MOCOS: variants seen among roughly 807,000 people sequenced by gnomAD.
The protein encoded by MOCOS is molybdenum cofactor sulfurase, also known as human molybdenum cofactor sulfurase.
Under a neutral mutation model 83.6 loss-of-function variants are expected in MOCOS, and 86 were observed. The observed-to-expected ratio is 1.03, with a 90% CI of 0.86 to 1.23. The LOEUF (loss-of-function observed/expected upper bound fraction) is 1.23. Ranked by LOEUF, MOCOS falls within the 50% of genes most tolerant of loss-of-function variation. The pLI, the probability that MOCOS is intolerant of heterozygous loss-of-function variation, is 0.00. For synonymous variants in MOCOS, 445 were observed against 434.7 expected (o/e 1.02, Z -0.29); for missense variants, 1,120 against 1,126.9 (o/e 0.99, Z 0.09).
chr18:36,224,767 G>A (rs2091509157), intron 9 of MOCOS, among the ~76,000 whole-genome samples: 1 of 152,124 alleles, frequency 6.6e-6, no homozygotes. Flanking sequence ...GATAATGCTG[G>A]CCTCATAAAA....
At chr18:36,207,555 C>T (rs1219266523) in intron 6 of MOCOS, among the ~76,000 whole-genome samples, 4 of 150,952 alleles carry the variant, frequency 2.6e-5, no homozygotes, top group Admixed American at 1.3e-4. Context: ...TTAATGATGT[C>T]GAACATTTTT....
intron 13 of MOCOS, 104 bp downstream of exon 13, chr18:36,260,279 T>G: frequency 6.8e-7 from 1 of 1,463,276 alleles, no homozygotes; most frequent in Non-Finnish European, 9.6e-7. Flanking sequence ...TCCCAGTCCT[T>G]GTCTCTTAAC....
At chr18:36,204,133 G>T (rs1000096665) in intron 5 of MOCOS, among the ~76,000 whole-genome samples, 1 of 152,170 alleles carries the variant, frequency 6.6e-6, no homozygotes, top group Non-Finnish European at 1.5e-5. Flanking sequence ...CTCAGTCGTA[G>T]TAAATACATT....
At chr18:36,207,648 GTT>G (rs2091439749) in intron 6 of MOCOS, among the ~76,000 whole-genome samples, 2 of 151,902 alleles carry the variant, frequency 1.3e-5, no homozygotes, top group Admixed American at 1.3e-4. Context: ...GGGGTTCTTT[GTT>G]TTTTGCTTAT....
At chr18:36,197,233 G>A (rs753772546) in intron 2 of MOCOS, among the ~76,000 whole-genome samples, 7 of 152,150 alleles carry the variant, frequency 4.6e-5, no homozygotes, top group Non-Finnish European at 8.8e-5. Context: ...AGGGCAATAC[G>A]TGGGGACTTA....
rs1385733042 is a variant in MOCOS at position 36,187,645 on chromosome 18, C to T, written c.106C>T (p.Arg36Cys). ...CTACGGCTACGGCCCGGGCAGCCTG[C>T]GCGAGCTGCGGGCGCGCGAGTTCAG... ...LAYGYGPGSL[R>C]ELRAREFSRL... is the part of the protein sequence containing the mutation. Residue 36 changes from arginine (R) to cysteine (C), a missense_variant, in exon 1 of 15, where the codon CGC becomes TGC. Transcript: ENST00000261326. 7 of 1,251,330 alleles carry T rather than the reference C, an allele frequency of 5.6e-6. No homozygotes were observed. Among genetic ancestry groups the T allele is most frequent in the South Asian group, 3.6e-5 (1 of 27,722 alleles). 77.5% of individuals were successfully genotyped at this position (1,251,330 alleles called of 1,614,324 possible).
At chr18:36,229,324 A>G (rs1471255139) in intron 9 of MOCOS, among the ~76,000 whole-genome samples, 1 of 152,056 alleles carries the variant, frequency 6.6e-6, no homozygotes, top group Non-Finnish European at 1.5e-5. Flanking sequence ...TAGTTTGAAT[A>G]TATCATTCTA....
intron 11 of MOCOS, among the ~76,000 whole-genome samples, chr18:36,253,854 T>C (rs2091630936): frequency 6.6e-6 from 1 of 151,942 alleles, no homozygotes; most frequent in African/African-American, 2.4e-5. Flanking sequence ...CAGTAGTCCT[T>C]TACCTGTGGC....
intron 9 of MOCOS, among the ~76,000 whole-genome samples, chr18:36,235,902 T>G (rs1598585090): frequency 6.6e-6 from 1 of 152,032 alleles, no homozygotes; most frequent in African/African-American, 2.4e-5. Flanking sequence ...CATTTTTTCA[T>G]GTGTTTTTTG....
intron 2 of MOCOS, among the ~76,000 whole-genome samples, chr18:36,197,542 A>T (rs1471706093): frequency 1.3e-5 from 2 of 151,904 alleles, no homozygotes; most frequent in Non-Finnish European, 2.9e-5. Context: ...AGGTAGGAGG[A>T]TTGCTTGAGC....
chr18:36,208,680 A>C (rs1568052598), intron 6 of MOCOS, among the ~76,000 whole-genome samples: 3 of 152,230 alleles, frequency 2.0e-5, no homozygotes, highest in African/African-American at 4.8e-5. Flanking sequence ...TATTAGTTCT[A>C]GGAGCCTTTG....
intron 9 of MOCOS, among the ~76,000 whole-genome samples, chr18:36,238,656 G>A: frequency 7.3e-6 from 1 of 136,556 alleles, no homozygotes; most frequent in South Asian, 2.5e-4. Context: ...AGGTCCGCTT[G>A]GTGCAGAGCT....
rs192741285 is a variant in MOCOS at position 36,242,064 on chromosome 18, A to G, written c.1961-6858A>G. On this transcript the variant is annotated intron_variant, in intron 9 of 14. Coordinates refer to ENST00000261326, the MANE Select transcript of MOCOS (RefSeq NM_017947.4). ...ACATGCCCTGGAGACAGTTTTCCCCATTGCTTTGGCAATTAACATTTGGCT... is the reference window on the plus strand; with the variant it reads ...ACATGCCCTGGAGACAGTTTTCCCCGTTGCTTTGGCAATTAACATTTGGCT... Among the ~76,000 whole-genome samples, 219 of 152,322 alleles carry G rather than the reference A, an allele frequency of 1.4e-3. 1 individual carries two copies. Among genetic ancestry groups the G allele is most frequent in the African/African-American group, 4.7e-3 (196 of 41,574 alleles).
At chr18:36,267,986 G>A (rs1049905435) in intron 14 of MOCOS, among the ~76,000 whole-genome samples, 4 of 152,310 alleles carry the variant, frequency 2.6e-5, no homozygotes, top group Admixed American at 1.3e-4. Context: ...AGAACTAACA[G>A]ATCGGAGAGC....
rs1389178363 is a variant in MOCOS, at chr18:36,215,874, C to T, written c.1694C>T (p.Pro565Leu). The change falls in exon 8 of 15, where the codon CCG becomes CTG. Residue 565 changes from proline to leucine, a missense_variant. Coordinates refer to ENST00000261326, the MANE Select transcript of MOCOS (RefSeq NM_017947.4). ...GTGTGTGATGTCGCCAGAACCCAGC[C>T]GACTCCTTCAGAGAAAGCTGCAGGA... is the stretch of plus-strand genomic sequence containing the variant. ...PPVCDVARTQ[P>L]TPSEKAAGVL... is the part of the protein sequence containing the mutation. The T allele has an allele frequency of 5.0e-6, 8 of 1,614,200 alleles. No homozygotes were observed. Among genetic ancestry groups the T allele is most frequent in the Admixed American group, 3.3e-5 (2 of 60,020 alleles).
chr18:36,192,376 A>G (rs150221684), intron 1 of MOCOS, among the ~76,000 whole-genome samples: 16 of 152,390 alleles, frequency 1.0e-4, no homozygotes, highest in Admixed American at 6.5e-4. Flanking sequence ...ATAATAAAAT[A>G]CACAGAAAAA....
intron 13 of MOCOS, among the ~76,000 whole-genome samples, chr18:36,263,371 A>G (rs546950459): frequency 2.0e-5 from 3 of 152,384 alleles, no homozygotes; most frequent in African/African-American, 7.2e-5. Context: ...AACTATTCAC[A>G]TGGCTTCAAA....
intron 8 of MOCOS, among the ~76,000 whole-genome samples, chr18:36,216,219 T>C (rs967362018): frequency 6.6e-6 from 1 of 152,218 alleles, no homozygotes; most frequent in Non-Finnish European, 1.5e-5. Flanking sequence ...TAATTATAGC[T>C]GTAACTTTCA....
chr18:36,239,061 A>T (rs1287424561), intron 9 of MOCOS, among the ~76,000 whole-genome samples: 1 of 150,556 alleles, frequency 6.6e-6, no homozygotes, highest in African/African-American at 2.4e-5. Context: ...TGAATACAGC[A>T]CACTGATGGG....
Sources: allele counts gnomAD v4.1 joint callset (sites outside exome capture counted in the v4.1 genomes callset), GRCh38; gene constraint gnomAD v4.1.1; transcripts MANE v1.5; gene names NCBI Gene and HGNC (gene_info 2026-07-23, HGNC 2026-07-21).